CCN6: variants seen among roughly 807,000 people sequenced by gnomAD.
The protein encoded by CCN6 is CCN family member 6.
Under a neutral mutation model 37.4 loss-of-function variants are expected in CCN6, and 31 were observed. That is an observed-to-expected ratio of 0.83 (90% CI 0.62 to 1.12). CCN6 has a LOEUF of 1.12. Among genes scored for constraint, CCN6 ranks in the 50% most tolerant of loss-of-function variants. The pLI, the probability that CCN6 is intolerant of heterozygous loss-of-function variation, is 0.00. For synonymous variants in CCN6, 137 were observed against 142.1 expected (o/e 0.96, Z 0.26); for missense variants, 369 against 413.8 (o/e 0.89, Z 0.94).
intron 1 of CCN6, 117 bp from the exon 2 acceptor site, chr6:112,060,874 T>C: frequency 8.4e-7 from 1 of 1,196,790 alleles, no homozygotes; most frequent in Non-Finnish European, 1.2e-6. Flanking sequence ...ATAGGTGTTA[T>C]TATAATGATT....
upstream of CCN6, chr6:112,053,983 C>T (rs1776271716): frequency 2.4e-6 from 1 of 418,984 alleles, no homozygotes; most frequent in African/African-American, 2.0e-5. Flanking sequence ...AAGGGAATGA[C>T]GTGGGACCCC....
chr6:112,056,438 CCTT>C (rs1238586284), intron 1 of CCN6, among the ~76,000 whole-genome samples: 2 of 152,086 alleles, frequency 1.3e-5, no homozygotes, highest in African/African-American at 2.4e-5. Context: ...CCCTCCTCCT[CCTT>C]CTTTTGATGA....
In CCN6 at chr6:112,069,363, C is replaced by A. The variant is rs781912774; in HGVS notation, c.808C>A (p.Pro270Thr). 6.2e-7 allele frequency: 1 copy of A among 1,613,444 alleles called. No individual in the cohort carries two copies. The highest frequency in any genetic ancestry group is 2.2e-5 in the East Asian group (1 of 44,818). ...IKIPKGKTCQ[P>T]TFQLSKAEKF... Reference sequence around the variant, plus strand: ...GATTCCCAAAGGAAAAACATGCCAACCTACTTTCCAACTCTCCAAAGCTGA... The same window carrying A: ...GATTCCCAAAGGAAAAACATGCCAAACTACTTTCCAACTCTCCAAAGCTGA... The change falls in exon 5 of 5, where the codon CCT becomes ACT. Residue 270 changes from proline (P) to threonine (T), a missense_variant. Coordinates refer to ENST00000368666, the MANE Select transcript of CCN6 (RefSeq NM_198239.2).
intron 1 of CCN6, among the ~76,000 whole-genome samples, chr6:112,059,472 G>A (rs587708541): frequency 2.2e-4 from 33 of 152,222 alleles, no homozygotes; most frequent in African/African-American, 3.6e-4. Context: ...TTTCAGCAAC[G>A]GCATCGCTCC....
At chr6:112,057,889 G>A (rs901969887) in intron 1 of CCN6, among the ~76,000 whole-genome samples, 5 of 152,240 alleles carry the variant, frequency 3.3e-5, no homozygotes, top group Admixed American at 2.0e-4. Context: ...GGGGAGGACT[G>A]GGGGGACCAG....
At chr6:112,063,856 A>G (rs112929880) in intron 2 of CCN6, among the ~76,000 whole-genome samples, 1 of 152,218 alleles carries the variant, frequency 6.6e-6, no homozygotes, top group African/African-American at 2.4e-5. Context: ...CTGAGAGAGC[A>G]GTTTGCTGAA....
intron 3 of CCN6, among the ~76,000 whole-genome samples, chr6:112,066,789 A>T (rs1776708192): frequency 6.7e-6 from 1 of 149,870 alleles, no homozygotes; most frequent in South Asian, 2.1e-4. Flanking sequence ...TAATGCCCTC[A>T]TGCTTTTTTC....
intron 3 of CCN6, among the ~76,000 whole-genome samples, chr6:112,067,538 A>G (rs1195188524): frequency 6.6e-6 from 1 of 152,068 alleles, no homozygotes; most frequent in African/African-American, 2.4e-5. Flanking sequence ...TTTCATATGT[A>G]ATTCGAAATC....
In CCN6 at chr6:112,065,770, A is replaced by G. The variant is rs116446040; in HGVS notation, c.589+773A>G. ...TCTGGCCATTTCAAACAGCTTAAGT[A>G]TACTTATAAACCTTGTATTCTGGTC... On this transcript the variant is annotated intron_variant, in intron 3 of 4. Transcript: ENST00000368666. 6.8e-3 allele frequency among the ~76,000 whole-genome samples: 1,030 copies of G among 152,282 alleles called. 8 individuals are homozygous for G. The highest frequency in any genetic ancestry group is 0.024 in the African/African-American group (990 of 41,554).
chr6:112,067,131 A>G, intron 3 of CCN6: 1 of 898,536 alleles, frequency 1.1e-6, no homozygotes, highest in Non-Finnish European at 1.6e-6. Context: ...ATCAATTAAA[A>G]TAGAGCACAT....
intron 1 of CCN6, among the ~76,000 whole-genome samples, chr6:112,057,967 G>C (rs1171601662): frequency 1.3e-5 from 2 of 152,156 alleles, no homozygotes; most frequent in Non-Finnish European, 2.9e-5. Flanking sequence ...GAGGACTGAA[G>C]AGGGTTCACG....
At chr6:112,053,615 T>A (rs1302500813), upstream of CCN6, among the ~76,000 whole-genome samples, 1 of 152,122 alleles carries the variant, frequency 6.6e-6, no homozygotes, top group Non-Finnish European at 1.5e-5. Flanking sequence ...CATTGTCATC[T>A]GTCATGGAAC....
chr6:112,061,828 A>G (rs1562595758), intron 2 of CCN6, among the ~76,000 whole-genome samples: 1 of 152,190 alleles, frequency 6.6e-6, no homozygotes, highest in Non-Finnish European at 1.5e-5. Flanking sequence ...TATGTGACTA[A>G]GTTCTGGAGA....
intron 1 of CCN6, among the ~76,000 whole-genome samples, chr6:112,056,879 T>A (rs1776363771): frequency 6.6e-6 from 1 of 151,986 alleles, no homozygotes; most frequent in South Asian, 2.1e-4. Flanking sequence ...CTTTCAACAT[T>A]GTCTTTGCAC....
At position 112,061,258 on chromosome 6, in the gene CCN6, A is replaced by G; in HGVS notation, c.316A>G (p.Arg106Gly). The G allele has an allele frequency of 6.2e-7, 1 of 1,614,232 alleles. No homozygotes were observed. The highest frequency in any genetic ancestry group is 1.1e-5 in the South Asian group (1 of 91,090). ...GCTGTATTGTGACTACTCAGTAGACAGGCCTAGGTACGAGACTGGAGTGTG... is the reference window on the plus strand; with the variant it reads ...GCTGTATTGTGACTACTCAGTAGACGGGCCTAGGTACGAGACTGGAGTGTG... ...KGLYCDYSVD[R>G]PRYETGVCAY... Residue 106 changes from arginine (R) to glycine (G), a missense_variant, in exon 2 of 5, where the codon AGG (arginine) becomes GGG (glycine). Arg to Gly is a moderately radical substitution (Grantham distance 125). Transcript: ENST00000368666.
intron 2 of CCN6, 53 bp downstream of exon 2, chr6:112,061,341 T>C: frequency 6.2e-7 from 1 of 1,613,396 alleles, no homozygotes; most frequent in Non-Finnish European, 8.5e-7. Context: ...GACAGAATTT[T>C]TTTTTCCTGC....
chr6:112,055,247 A>G (rs1776312313), intron 1 of CCN6, among the ~76,000 whole-genome samples: 1 of 152,220 alleles, frequency 6.6e-6, no homozygotes, highest in Non-Finnish European at 1.5e-5. Flanking sequence ...CAAAAGAATC[A>G]TGACAAGAAT....
intron 1 of CCN6, chr6:112,054,800 T>C (rs1562592323): frequency 1.4e-5 from 3 of 220,686 alleles, no homozygotes; most frequent in Non-Finnish European, 1.8e-5. Flanking sequence ...AAAGAGCCCC[T>C]GGAAAAACGA....
intron 2 of CCN6, 127 bp downstream of exon 2, chr6:112,061,415 AC>A: frequency 8.6e-7 from 1 of 1,165,392 alleles, no homozygotes; most frequent in Non-Finnish European, 1.3e-6. Flanking sequence ...GTTTTCATGC[AC>A]CAGTGGGACT....
Sources: gnomAD v4.1 joint callset for allele counts (sites outside exome capture counted in the v4.1 genomes callset) on GRCh38, gnomAD v4.1.1 for gene constraint, MANE v1.5 for transcripts, NCBI Gene and HGNC (gene_info 2026-07-23, HGNC 2026-07-21) for gene names.